Variants in QTMAN observed in about 807,000 individuals in gnomAD.
QTMAN encodes tRNA-queuosine alpha-mannosyltransferase.
At chr2:144,146,612 C>T in the QTMAN span, among the ~76,000 whole-genome samples, 1 of 151,706 alleles carries the variant, frequency 6.6e-6, no homozygotes, top group Non-Finnish European at 1.5e-5. Flanking sequence ...ATACACAAAA[C>T]ATTAGAGAAA....
chr2:143,985,078 T>G, the QTMAN span, among the ~76,000 whole-genome samples: 5 of 152,228 alleles, frequency 3.3e-5, no homozygotes, highest in Admixed American at 6.5e-5. Context: ...TCTGGTGCTC[T>G]GGGGGTCACA....
the QTMAN span, among the ~76,000 whole-genome samples, chr2:144,194,958 C>G: frequency 6.6e-6 from 1 of 152,080 alleles, no homozygotes; most frequent in Non-Finnish European, 1.5e-5. Context: ...CAGGTTGCAA[C>G]ATAATATTTC....
the QTMAN span, among the ~76,000 whole-genome samples, chr2:144,172,454 C>A: frequency 3.2e-3 from 482 of 151,736 alleles, 1 homozygote; most frequent in Non-Finnish European, 5.2e-3. Context: ...AACCCTGTAT[C>A]TACTAAAAAT....
the QTMAN span, among the ~76,000 whole-genome samples, chr2:144,316,611 A>G: frequency 6.6e-6 from 1 of 152,200 alleles, no homozygotes; most frequent in Non-Finnish European, 1.5e-5. Flanking sequence ...CAGCTATACA[A>G]TACTTTACTA....
chr2:144,285,616 T>C, the QTMAN span, among the ~76,000 whole-genome samples: 1 of 152,112 alleles, frequency 6.6e-6, no homozygotes. Flanking sequence ...AAATGCTGGG[T>C]TTTGCCATTT....
chr2:144,134,975 TATC>T, the QTMAN span, among the ~76,000 whole-genome samples: 1 of 152,144 alleles, frequency 6.6e-6, no homozygotes. Flanking sequence ...TATATACAAA[TATC>T]AGCCTGACAA....
the QTMAN span, among the ~76,000 whole-genome samples, chr2:144,077,670 C>A: frequency 3.3e-5 from 5 of 152,120 alleles, no homozygotes; most frequent in East Asian, 9.6e-4. Context: ...TATGTATGTG[C>A]CTGTGTGTTG....
the QTMAN span, among the ~76,000 whole-genome samples, chr2:144,142,309 C>G: frequency 1.3e-5 from 2 of 151,802 alleles, no homozygotes; most frequent in Non-Finnish European, 2.9e-5. Context: ...TTAATGGGAT[C>G]GCATGAGACT....
At chr2:143,974,569 G>C in the QTMAN span, among the ~76,000 whole-genome samples, 1 of 152,282 alleles carries the variant, frequency 6.6e-6, no homozygotes, top group South Asian at 2.1e-4. Flanking sequence ...AAGTAAAAGA[G>C]AGATGACAGA....
chr2:143,945,245 G>C, the QTMAN span: 1 of 152,150 alleles, frequency 6.6e-6, no homozygotes, highest in East Asian at 1.9e-4. Context: ...GCTAGATTCT[G>C]AGTTCCATAG....
the QTMAN span, among the ~76,000 whole-genome samples, chr2:144,165,872 G>A: frequency 9.8e-4 from 149 of 152,076 alleles, 2 homozygotes; most frequent in East Asian, 0.019. Context: ...TCCCTTCAAC[G>A]TCATCCTTAT....
At chr2:144,120,798 A>C in the QTMAN span, among the ~76,000 whole-genome samples, 1 of 152,216 alleles carries the variant, frequency 6.6e-6, no homozygotes, top group South Asian at 2.1e-4. Context: ...AGCTGCCTAA[A>C]CCGAAAACAA....
At chr2:144,140,526 T>C in the QTMAN span, among the ~76,000 whole-genome samples, 10 of 152,164 alleles carry the variant, frequency 6.6e-5, no homozygotes, top group East Asian at 1.7e-3. Context: ...TTTTCAAAAG[T>C]TGTAGTTCTC....
At chr2:144,183,229 A>G in the QTMAN span, among the ~76,000 whole-genome samples, 1 of 152,000 alleles carries the variant, frequency 6.6e-6, no homozygotes, top group Non-Finnish European at 1.5e-5. Context: ...TAAGCATAAG[A>G]TATACTTTTA....
At chr2:144,278,061 T>C in the QTMAN span, among the ~76,000 whole-genome samples, 2 of 152,280 alleles carry the variant, frequency 1.3e-5, no homozygotes, top group South Asian at 2.1e-4. Context: ...ATGATTCTTC[T>C]GGGGCCAGCA....
the QTMAN span, among the ~76,000 whole-genome samples, chr2:144,004,059 G>A: frequency 2.0e-5 from 3 of 151,904 alleles, no homozygotes; most frequent in Non-Finnish European, 4.4e-5. Flanking sequence ...AGGTTTACAT[G>A]GAAACAATCA....
the QTMAN span, among the ~76,000 whole-genome samples, chr2:144,244,725 T>C: frequency 6.6e-6 from 1 of 152,032 alleles, no homozygotes; most frequent in Admixed American, 6.6e-5. Context: ...GAAAGCACAG[T>C]AGACAATGCA....
At chr2:143,977,831 T>C in the QTMAN span, among the ~76,000 whole-genome samples, 1 of 152,212 alleles carries the variant, frequency 6.6e-6, no homozygotes, top group African/African-American at 2.4e-5. Context: ...ACTTTCTTTT[T>C]AATAGAAGGA....
At chr2:144,102,277 G>A in the QTMAN span, among the ~76,000 whole-genome samples, 1 of 152,298 alleles carries the variant, frequency 6.6e-6, no homozygotes, top group East Asian at 1.9e-4. Context: ...CATCTTCGTT[G>A]TAAGGCTATT....
Sources: allele counts gnomAD v4.1 joint callset (sites outside exome capture counted in the v4.1 genomes callset), GRCh38; gene constraint gnomAD v4.1.1; transcripts MANE v1.5; gene names NCBI Gene and HGNC (gene_info 2026-07-23, HGNC 2026-07-21).